The following MPZL1 variants were observed in gnomAD, a reference collection of about 807,000 sequenced individuals.
The protein encoded by MPZL1 is myelin protein zero-like protein 1.
MPZL1 carries 16 observed loss-of-function variants against 29.3 expected under a neutral mutation model. That is an observed-to-expected ratio of 0.55 (90% CI 0.37 to 0.83). The LOEUF is 0.83. Ranked by LOEUF, MPZL1 falls within the 40% of genes least tolerant of loss-of-function variation. The probability of loss-of-function intolerance (pLI) is 0.00; values close to 1 mark genes in which losing one functional copy is unlikely to be tolerated. For missense variants in MPZL1, 279 were observed against 332.9 expected, an observed-to-expected ratio of 0.84 and a Z score of 1.26; for synonymous variants, 143 against 132.0, an observed-to-expected ratio of 1.08 and a Z score of -0.57.
intron 1 of MPZL1, among the ~76,000 whole-genome samples, chr1:167,729,922 C>T (rs1011044779): frequency 5.3e-5 from 8 of 152,182 alleles, no homozygotes; most frequent in Non-Finnish European, 4.4e-5. Flanking sequence ...GTCTTAAGAT[C>T]ACACAGCTAA....
At chr1:167,731,598 G>C (rs548625533) in intron 1 of MPZL1, among the ~76,000 whole-genome samples, 14 of 151,780 alleles carry the variant, frequency 9.2e-5, no homozygotes, top group Middle Eastern at 3.2e-3. Context: ...CACCACACCC[G>C]GCTAATTTTT....
intron 5 of MPZL1, among the ~76,000 whole-genome samples, chr1:167,785,982 ACGGGGTTTCAC>A (rs897724493): frequency 6.6e-6 from 1 of 151,974 alleles, no homozygotes; most frequent in Admixed American, 6.6e-5. Context: ...TTTAGTAGAG[ACGGGGTTTCAC>A]CGTGTTAGCA....
chr1:167,787,843 A>G lies in MPZL1; in HGVS notation c.732A>G (p.Leu244=). The G allele has an allele frequency of 6.2e-7, 1 of 1,613,794 alleles. No individual in the cohort carries two copies. ...SHQGPVIYAQ[L]DHSGGHHSDK... ...AGGGCCCAGTCATATATGCACAGTT[A>G]GACCACTCCGGCGGACATCACAGTG... The change falls in exon 6 of 6, where the codon TTA becomes TTG. Residue 244 remains leucine, a synonymous_variant. Transcript: ENST00000359523.
chr1:167,730,603 A>G (rs1390353255), intron 1 of MPZL1, among the ~76,000 whole-genome samples: 2 of 152,000 alleles, frequency 1.3e-5, no homozygotes, highest in Non-Finnish European at 2.9e-5. Context: ...GGTTCTTCTC[A>G]CTCATACCTC....
chr1:167,734,746 G>A (rs1660342986), intron 1 of MPZL1, among the ~76,000 whole-genome samples: 1 of 152,190 alleles, frequency 6.6e-6, no homozygotes, highest in South Asian at 2.1e-4. Context: ...CAATGCAGCT[G>A]CCTCAGGGGA....
At chr1:167,734,357 A>G (rs527924302) in intron 1 of MPZL1, among the ~76,000 whole-genome samples, 2 of 152,130 alleles carry the variant, frequency 1.3e-5, no homozygotes, top group South Asian at 4.1e-4. Flanking sequence ...TTTCAAGTTC[A>G]TTTACTGAGG....
chr1:167,758,387 G>A (rs1660914137), intron 1 of MPZL1, among the ~76,000 whole-genome samples: 1 of 152,052 alleles, frequency 6.6e-6, no homozygotes, highest in South Asian at 2.1e-4. Flanking sequence ...CATGTAGTTG[G>A]GAGACATTAT....
chr1:167,724,095 A>T (rs932573446), intron 1 of MPZL1, among the ~76,000 whole-genome samples: 7 of 152,202 alleles, frequency 4.6e-5, no homozygotes, highest in African/African-American at 1.7e-4. Flanking sequence ...GTGTAGGGTC[A>T]GAAGCACATT....
chr1:167,725,622 A>C (rs1440160884), intron 1 of MPZL1, among the ~76,000 whole-genome samples: 1 of 152,156 alleles, frequency 6.6e-6, no homozygotes, highest in East Asian at 1.9e-4. Flanking sequence ...AGTAGCTGGG[A>C]CTACAGGCGC....
At chr1:167,770,925 G>T (rs1294551886) in intron 2 of MPZL1, among the ~76,000 whole-genome samples, 1 of 152,064 alleles carries the variant, frequency 6.6e-6, no homozygotes, top group Non-Finnish European at 1.5e-5. Context: ...AACCTGGCAG[G>T]GTTGAGTGCC....
rs188483765 is a variant in MPZL1, at chr1:167,765,821, A to G, written c.258+72A>G. 4.5e-6 allele frequency: 6 copies of G among 1,345,068 alleles called. No homozygotes were observed. In the Admixed American group the frequency reaches 1.1e-4, roughly 24 times the overall value. The allele number at this position is 1,345,068 out of a possible 1,614,324, so 83.3% of individuals were successfully genotyped here. ...TTTACTGCTGTATAATTGGTGATCC[A>G]TTTTTCTGATGGTTCATTTCCAAAA... On this transcript the variant is annotated intron_variant, in intron 2 of 5. Coordinates refer to ENST00000359523, the MANE Select transcript of MPZL1 (RefSeq NM_003953.6).
At chr1:167,744,823 C>T (rs1432482114) in intron 1 of MPZL1, among the ~76,000 whole-genome samples, 1 of 151,986 alleles carries the variant, frequency 6.6e-6, no homozygotes, top group Non-Finnish European at 1.5e-5. Context: ...AATTTATTTC[C>T]ATTAAATTGG....
chr1:167,726,550 G>A (rs983785809), intron 1 of MPZL1, among the ~76,000 whole-genome samples: 1 of 152,158 alleles, frequency 6.6e-6, no homozygotes, highest in Non-Finnish European at 1.5e-5. Flanking sequence ...TTATGATTTA[G>A]CATGGTATAG....
chr1:167,731,771 C>T (rs1226035602), intron 1 of MPZL1, among the ~76,000 whole-genome samples: 1 of 150,896 alleles, frequency 6.6e-6, no homozygotes, highest in Non-Finnish European at 1.5e-5. Context: ...AAAGGGGGAT[C>T]AGAAAATGCT....
chr1:167,775,929 C>G, intron 4 of MPZL1, 135 bp from the exon 5 acceptor site: 1 of 492,082 alleles, frequency 2.0e-6, no homozygotes, highest in South Asian at 3.7e-5. Context: ...CATTTTGACA[C>G]CCATTGTTAT....
chr1:167,756,912 G>A (rs1660880198), intron 1 of MPZL1, among the ~76,000 whole-genome samples: 1 of 152,120 alleles, frequency 6.6e-6, no homozygotes, highest in Admixed American at 6.5e-5. Flanking sequence ...AGGATGTCGG[G>A]GAGCACAGGG....
At chr1:167,787,545 T>C (rs1394143802) in intron 5 of MPZL1, among the ~76,000 whole-genome samples, 1 of 152,174 alleles carries the variant, frequency 6.6e-6, no homozygotes, top group African/African-American at 2.4e-5. Flanking sequence ...AGAAGGAATA[T>C]ATTATTACAG....
intron 2 of MPZL1, among the ~76,000 whole-genome samples, chr1:167,771,596 C>T (rs1661249663): frequency 6.6e-6 from 1 of 152,072 alleles, no homozygotes; most frequent in Non-Finnish European, 1.5e-5. Context: ...CTCCTCACTT[C>T]CCAGACGGGG....
In MPZL1 at chr1:167,790,044, T is replaced by C. The variant is rs7605; in HGVS notation, c.*2123T>C. The C allele has an allele frequency of 0.54, 82,573 of 151,984 alleles. 22,590 individuals carry two copies. Among genetic ancestry groups the C allele is most frequent in the East Asian group, 0.63 (3,241 of 5,166 alleles). 9.4% of individuals were successfully genotyped at this position (151,984 alleles called of 1,614,324 possible). On this transcript the variant is annotated 3_prime_UTR_variant, in exon 6 of 6. Transcript: ENST00000359523. ...TGCTTGAGGTACAGAGGACACACAT[T>C]GTAGACAGGCCTGTGTCATGTTTCC...
Sources: gnomAD v4.1 joint callset for allele counts (sites outside exome capture counted in the v4.1 genomes callset) on GRCh38, gnomAD v4.1.1 for gene constraint, MANE v1.5 for transcripts, NCBI Gene and HGNC (gene_info 2026-07-23, HGNC 2026-07-21) for gene names.